PTGFRN: variants seen among roughly 807,000 people sequenced by gnomAD.
PTGFRN encodes prostaglandin F2 receptor negative regulator.
In PTGFRN, 35 loss-of-function variants were observed where a neutral mutation model predicts 83.2. The observed-to-expected ratio is 0.42, with a 90% CI of 0.32 to 0.56. The LOEUF (loss-of-function observed/expected upper bound fraction) is 0.56, where lower values mean the gene tolerates loss of function less well. Among genes scored for constraint, PTGFRN ranks in the 20% least tolerant of loss-of-function variants. The pLI, the probability that PTGFRN is intolerant of heterozygous loss-of-function variation, is 0.11. For missense variants in PTGFRN, 1,051 were observed against 1,179.5 expected (o/e 0.89, Z 1.60); for synonymous variants, 519 against 498.6 (o/e 1.04, Z -0.55).
chr1:116,939,114 T>C (rs1424768377), intron 1 of PTGFRN, among the ~76,000 whole-genome samples: 1 of 152,218 alleles, frequency 6.6e-6, no homozygotes, highest in African/African-American at 2.4e-5. Flanking sequence ...CAGTGGCTTT[T>C]CCAGGTGAAC....
intron 1 of PTGFRN, among the ~76,000 whole-genome samples, chr1:116,927,981 A>G (rs936605925): frequency 5.9e-5 from 9 of 152,238 alleles, no homozygotes; most frequent in Admixed American, 1.3e-4. Flanking sequence ...ATTTCCAGAT[A>G]TAAATGGCAG....
intron 7 of PTGFRN, among the ~76,000 whole-genome samples, chr1:116,979,472 A>G (rs1170885437): frequency 6.6e-6 from 1 of 152,216 alleles, no homozygotes. Flanking sequence ...TTCAAACTAT[A>G]CTACAAGGCT....
At chr1:116,960,649 C>G (rs1011844018) in intron 4 of PTGFRN, among the ~76,000 whole-genome samples, 6 of 152,148 alleles carry the variant, frequency 3.9e-5, no homozygotes, top group African/African-American at 1.4e-4. Flanking sequence ...CCACTGAACA[C>G]AGATTCCGCA....
chr1:116,934,331 G>C (rs1459592386), intron 1 of PTGFRN, among the ~76,000 whole-genome samples: 1 of 151,906 alleles, frequency 6.6e-6, no homozygotes, highest in African/African-American at 2.4e-5. Context: ...GTTGTTGTTA[G>C]AGACAGGGTC....
chr1:116,970,536 A>G (rs185600400), intron 6 of PTGFRN, among the ~76,000 whole-genome samples: 3 of 152,212 alleles, frequency 2.0e-5, no homozygotes, highest in East Asian at 1.9e-4. Flanking sequence ...TTTTGTATCT[A>G]TTTCTGGGTG....
chr1:116,986,939 G>T lies in PTGFRN; in HGVS notation c.2612G>T (p.Arg871Leu), dbSNP rs770761276. Residue 871 changes from arginine to leucine, a missense_variant, in exon 9 of 9, where the codon CGC becomes CTC. Physicochemically the swap from Arg to Leu is moderately radical, Grantham distance 102. Around this residue, in one of 3 missense-constraint regions of PTGFRN, gnomAD observed 719 missense variants for 836.6 expected, o/e 0.86. Coordinates refer to ENST00000393203, the MANE Select transcript of PTGFRN (RefSeq NM_020440.4). ...KEVQETRRER[R>L]RLMSMEMD ...GTTCAGGAGACACGGCGCGAGCGCC[G>T]CAGGCTCATGTCGATGGAGATGGAC... 21 of 1,614,212 alleles carry T rather than the reference G, an allele frequency of 1.3e-5. No individual in the cohort carries two copies. The highest frequency in any genetic ancestry group is 1.8e-5 in the Non-Finnish European group (21 of 1,180,024).
Position 116,988,952 on chromosome 1 carries a change from A to T in PTGFRN, c.*1985A>T, listed in dbSNP as rs565110938. 11 of 152,376 alleles carry T rather than the reference A, an allele frequency of 7.2e-5. No homozygotes were observed. The highest frequency in any genetic ancestry group is 1.3e-4 in the Admixed American group (2 of 15,306). 9.4% of individuals were successfully genotyped at this position (152,376 alleles called of 1,614,324 possible). On this transcript the variant is annotated 3_prime_UTR_variant, in exon 9 of 9. Transcript: ENST00000393203. ...CATATCCTAACTGCTATTTCAGAAG[A>T]GGCAGCTTGTAGGTGATTGTACAAG...
At position 116,941,670 on chromosome 1, in the gene PTGFRN, A is replaced by G; in HGVS notation, c.50-45A>G. On this transcript the variant is annotated intron_variant, in intron 1 of 8. Transcript: ENST00000393203. The surrounding 1 kb of genome is among the most constrained non-coding windows in gnomAD (Gnocchi z 5.0). Reference sequence around the variant, plus strand: ...GGTTTGCCACATTTGTCCTGGGAAGACTTTCTGTGATTAAAGACCTGCCTT... The same window carrying G: ...GGTTTGCCACATTTGTCCTGGGAAGGCTTTCTGTGATTAAAGACCTGCCTT... 6.4e-7 allele frequency: 1 copy of G among 1,559,834 alleles called. No individual in the cohort carries two copies. The highest frequency in any genetic ancestry group is 8.7e-7 in the Non-Finnish European group (1 of 1,154,382).
chr1:116,984,961 G>C lies in PTGFRN; in HGVS notation c.2449G>C (p.Val817Leu). Residue 817 changes from valine (V) to leucine (L), a missense_variant, in exon 8 of 9, where the codon GTT becomes CTT. This residue lies in a region of PTGFRN where 719 missense variants were observed against 836.6 expected (regional missense o/e 0.86). Transcript: ENST00000393203. ...GGAGGCAGAGATCCACTCCAAGCCC[G>C]TTTTTATAACTGTGAAGATGGATGG... ...QKEAEIHSKP[V>L]FITVKMDVLN... The C allele has an allele frequency of 6.2e-7, 1 of 1,613,930 alleles. No individual in the cohort carries two copies. The highest frequency in any genetic ancestry group is 8.5e-7 in the Non-Finnish European group (1 of 1,179,824).
chr1:116,923,435 G>T lies in PTGFRN; in HGVS notation c.49+13183G>T, dbSNP rs1054818834. On this transcript the variant is annotated intron_variant, in intron 1 of 8. Transcript: ENST00000393203. The surrounding 1 kb of genome is among the most constrained non-coding windows in gnomAD (Gnocchi z 4.0). ...AATGAAATCTATACATGTTAAAGAA[G>T]GGGTGAGAAAAGTCTCCATTCTTCT... 2.0e-5 allele frequency among the ~76,000 whole-genome samples: 3 copies of T among 152,146 alleles called. No individual in the cohort carries two copies. The highest frequency in any genetic ancestry group is 1.3e-4 in the Admixed American group (2 of 15,282).
intron 1 of PTGFRN, among the ~76,000 whole-genome samples, chr1:116,910,612 G>A (rs935644641): frequency 1.3e-5 from 2 of 151,998 alleles, no homozygotes; most frequent in Non-Finnish European, 2.9e-5. Context: ...GGAAGGTGCT[G>A]CGGTCCCGGC....
rs1649689749 is a variant in PTGFRN, at chr1:116,927,661, ATAGC to A, written c.50-14050_50-14047del. Among the ~76,000 whole-genome samples the A allele has an allele frequency of 2.0e-5, 3 of 151,410 alleles. No homozygotes were observed. In the South Asian group the frequency reaches 6.3e-4, roughly 32 times the overall value. Reference sequence around the variant, plus strand: ...CCATCTTCCTGCCTCAGCCTCCCAAATAGCTAGGACCATAGGCACATGCCACCAT... The same window carrying A: ...CCATCTTCCTGCCTCAGCCTCCCAAATAGGACCATAGGCACATGCCACCAT... On this transcript the variant is annotated intron_variant, in intron 1 of 8. Transcript: ENST00000393203.
intron 1 of PTGFRN, 137 bp downstream of exon 1, chr1:116,910,389 C>T (rs1649236020): frequency 4.1e-6 from 3 of 726,298 alleles, no homozygotes; most frequent in South Asian, 1.3e-4. Flanking sequence ...CCGGGGTGCG[C>T]GGGTTGTTCG....
chr1:116,953,772 C>T (rs1650408012), intron 4 of PTGFRN, among the ~76,000 whole-genome samples: 1 of 151,830 alleles, frequency 6.6e-6, no homozygotes, highest in African/African-American at 2.4e-5. Context: ...CCCTTTTCAT[C>T]CCTCTCAAAG....
At chr1:116,917,489 G>A (rs1425952794) in intron 1 of PTGFRN, among the ~76,000 whole-genome samples, 2 of 152,154 alleles carry the variant, frequency 1.3e-5, no homozygotes, top group Non-Finnish European at 2.9e-5. Context: ...AGGAGGGAAG[G>A]GAGAGGGAGA....
chr1:116,939,234 C>T (rs1453562819), intron 1 of PTGFRN, among the ~76,000 whole-genome samples: 1 of 152,226 alleles, frequency 6.6e-6, no homozygotes, highest in Non-Finnish European at 1.5e-5. Flanking sequence ...GGGGCCCTGA[C>T]CCCACATTTC....
At chr1:116,925,248 T>G (rs956435212) in intron 1 of PTGFRN, among the ~76,000 whole-genome samples, 1 of 151,956 alleles carries the variant, frequency 6.6e-6, no homozygotes, top group African/African-American at 2.4e-5. Context: ...GCCAACATGG[T>G]GAAACCCTGT....
chr1:116,974,886 T>G (rs951316810), intron 7 of PTGFRN, among the ~76,000 whole-genome samples: 6 of 151,994 alleles, frequency 3.9e-5, no homozygotes, highest in African/African-American at 1.2e-4. Context: ...TGCAGGACAG[T>G]AGGTACAGCC....
chr1:116,910,409 G>A (rs1649236579), intron 1 of PTGFRN, among the ~76,000 whole-genome samples, 157 bp downstream of exon 1: 1 of 150,366 alleles, frequency 6.7e-6, no homozygotes, highest in Non-Finnish European at 1.5e-5. Flanking sequence ...GGCCCGGCGG[G>A]GAGCGGCCGC....
Sources: allele counts gnomAD v4.1 joint callset (sites outside exome capture counted in the v4.1 genomes callset), GRCh38; gene constraint gnomAD v4.1.1; regional missense constraint gnomAD v4.1.1; non-coding constraint Gnocchi (gnomAD v3.1); transcripts MANE v1.5; gene names NCBI Gene and HGNC (gene_info 2026-07-23, HGNC 2026-07-21).